Variants in GPC1 observed in about 807,000 individuals in gnomAD.
GPC1 encodes glypican 1.
A neutral mutation model predicts 51.5 loss-of-function variants in GPC1; 26 were observed. The ratio of observed to expected loss-of-function variants is 0.50; its 90% CI spans 0.37 to 0.70. GPC1 has a LOEUF of 0.70. Ranked by LOEUF, GPC1 falls within the 30% of genes least tolerant of loss-of-function variation. The pLI, the probability that GPC1 is intolerant of heterozygous loss-of-function variation, is 0.00. For synonymous variants in GPC1, 380 were observed against 348.3 expected, an observed-to-expected ratio of 1.09 and a Z score of -1.01; for missense variants, 775 against 800.5, an observed-to-expected ratio of 0.97 and a Z score of 0.38.
At chr2:240,460,808 C>T (rs2074208988) in intron 2 of GPC1, among the ~76,000 whole-genome samples, 2 of 152,302 alleles carry the variant, frequency 1.3e-5, no homozygotes, top group Admixed American at 6.5e-5. Context: ...ACCCCCACCT[C>T]CTATGTCCTC....
intron 7 of GPC1, 128 bp downstream of exon 7, chr2:240,465,338 C>T: frequency 7.5e-7 from 1 of 1,341,126 alleles, no homozygotes; most frequent in South Asian, 1.4e-5. Context: ...TTCTCTGCGG[C>T]CTGTGTGGGC....
At chr2:240,460,628 G>A (rs2074207886) in intron 2 of GPC1, among the ~76,000 whole-genome samples, 1 of 152,168 alleles carries the variant, frequency 6.6e-6, no homozygotes, top group Non-Finnish European at 1.5e-5. Context: ...TCAGTGCCCT[G>A]CCGCCGCCCT....
rs909719897 is a variant in GPC1, at chr2:240,435,723, TCGCACCCCG to T, written c.-192_-184del. The T allele has an allele frequency of 4.0e-6, 1 of 248,538 alleles. No individual in the cohort carries two copies. Among genetic ancestry groups the T allele is most frequent in the Non-Finnish European group, 7.4e-6 (1 of 135,198 alleles). The allele number at this position is 248,538 out of a possible 1,614,324, so 15.4% of individuals were successfully genotyped here. On this transcript the variant is annotated 5_prime_UTR_variant, in exon 1 of 9. Coordinates refer to ENST00000264039, the MANE Select transcript of GPC1 (RefSeq NM_002081.3). Reference sequence around the variant, plus strand: ...GGCTGCCCGAGCGAGCGTTCGGACCTCGCACCCCGCGCGCCCCGCGCCGCCGCCGCCGCC... The same window carrying T: ...GGCTGCCCGAGCGAGCGTTCGGACCTCGCGCCCCGCGCCGCCGCCGCCGCC...
At chr2:240,455,693 C>T (rs2074152485) in intron 1 of GPC1, among the ~76,000 whole-genome samples, 1 of 152,142 alleles carries the variant, frequency 6.6e-6, no homozygotes, top group Admixed American at 6.5e-5. Context: ...GACAGCTGGT[C>T]TTGGGCACAT....
At chr2:240,463,735 C>T (rs1395182247) in intron 4 of GPC1, 2 of 567,154 alleles carry the variant, frequency 3.5e-6, no homozygotes, top group East Asian at 2.9e-5. Flanking sequence ...AGGGAGGGAG[C>T]CCTGTGGGGT....
chr2:240,438,101 C>A (rs538046471), intron 1 of GPC1, among the ~76,000 whole-genome samples: 95 of 152,292 alleles, frequency 6.2e-4, no homozygotes, highest in Non-Finnish European at 9.4e-4. Flanking sequence ...GTACGAACGC[C>A]CTGCAGCTGT....
chr2:240,444,164 C>A (rs1160860327), intron 1 of GPC1, among the ~76,000 whole-genome samples: 1 of 152,190 alleles, frequency 6.6e-6, no homozygotes, highest in East Asian at 1.9e-4. Context: ...GCCCGGCCAG[C>A]CTCAGCCCAG....
intron 1 of GPC1, chr2:240,450,428 C>T (rs1400064822): frequency 2.8e-6 from 1 of 363,040 alleles, no homozygotes; most frequent in Non-Finnish European, 5.6e-6. Context: ...GGGCCCCGTG[C>T]TGCTACTCCT....
At chr2:240,444,182 G>A (rs985496354) in intron 1 of GPC1, among the ~76,000 whole-genome samples, 1 of 152,184 alleles carries the variant, frequency 6.6e-6, no homozygotes, top group Admixed American at 6.5e-5. Context: ...CAGCCCAGCC[G>A]CCACGCCCGG....
chr2:240,436,988 T>C (rs1376573091), intron 1 of GPC1, among the ~76,000 whole-genome samples: 1 of 152,250 alleles, frequency 6.6e-6, no homozygotes, highest in Non-Finnish European at 1.5e-5. Context: ...CTCCGTGTGC[T>C]AAGGAACTCT....
chr2:240,438,292 G>A (rs1025013432), intron 1 of GPC1, among the ~76,000 whole-genome samples: 18 of 152,284 alleles, frequency 1.2e-4, no homozygotes, highest in African/African-American at 4.3e-4. Flanking sequence ...AGTAACCTTC[G>A]GGACCCAGGG....
At position 240,459,063 on chromosome 2, in the gene GPC1, C is replaced by T; in HGVS notation, c.200C>T (p.Thr67Ile). The change falls in exon 2 of 9, where the codon ACC becomes ATC. Residue 67 changes from threonine (T) to isoleucine (I), a missense_variant. Transcript: ENST00000264039. Reference sequence around the variant, plus strand: ...CTGCGGATCTGTCCCCAGGGCTACACCTGCTGCACCAGCGAGATGGAGGAG... The same window carrying T: ...CTGCGGATCTGTCCCCAGGGCTACATCTGCTGCACCAGCGAGATGGAGGAG... ...EHLRICPQGY[T>I]CCTSEMEENL... is the part of the protein sequence containing the mutation. The T allele has an allele frequency of 1.2e-6, 2 of 1,612,892 alleles. No homozygotes were observed. The highest frequency in any genetic ancestry group is 1.7e-6 in the Non-Finnish European group (2 of 1,179,906).
At position 240,462,453 on chromosome 2, in the gene GPC1, C is replaced by A. The variant is rs766261701; in HGVS notation, c.588C>A (p.Ala196=). The part of the protein sequence containing the change: ...DDYLDCLGKQ[A]EALRPFGEAP... Reference sequence around the variant, plus strand: ...ACCTGGACTGCCTGGGCAAGCAGGCCGAGGCGCTGCGGCCCTTCGGGGAGG... The same window carrying A: ...ACCTGGACTGCCTGGGCAAGCAGGCAGAGGCGCTGCGGCCCTTCGGGGAGG... Residue 196 remains alanine, a synonymous_variant, in exon 3 of 9, where the codon GCC becomes GCA. Coordinates refer to ENST00000264039, the MANE Select transcript of GPC1 (RefSeq NM_002081.3). The A allele has an allele frequency of 3.1e-6, 5 of 1,605,164 alleles. No individual in the cohort carries two copies. The highest frequency in any genetic ancestry group is 3.4e-6 in the Non-Finnish European group (4 of 1,177,026).
chr2:240,466,318 C>A lies in GPC1; in HGVS notation c.*28C>A. 1.6e-6 allele frequency: 2 copies of A among 1,265,600 alleles called. No individual in the cohort carries two copies. The highest frequency in any genetic ancestry group is 1.5e-5 in the African/African-American group (1 of 68,556). The allele number at this position is 1,265,600 out of a possible 1,614,324, so 78.4% of individuals were successfully genotyped here. A position where few individuals can be genotyped will look rare whatever the true frequency, so the allele number is the denominator to read the frequency against. ...GCCCCAAGGCCCCAGGGACAGAGGC[C>A]AAGGACTGACTTTGCCAAAAATACA... On this transcript the variant is annotated 3_prime_UTR_variant, in exon 9 of 9. Transcript: ENST00000264039.
At chr2:240,454,979 TG>T in intron 1 of GPC1, 1 of 223,684 alleles carries the variant, frequency 4.5e-6, no homozygotes, top group Non-Finnish European at 1.0e-5. Flanking sequence ...AACTGCGGGG[TG>T]GGGACATGTC....
chr2:240,444,643 G>A lies in GPC1; in HGVS notation c.166+8559G>A, dbSNP rs979890043. ...CTGTGGCCTGTGCGCACCTTCAGAC[G>A]ATTTCCCCAAACACCGACGACAGCT... On this transcript the variant is annotated intron_variant, in intron 1 of 8. Coordinates refer to ENST00000264039, the MANE Select transcript of GPC1 (RefSeq NM_002081.3). Among the ~76,000 whole-genome samples, 9 of 152,182 alleles carry A rather than the reference G, an allele frequency of 5.9e-5. No individual in the cohort carries two copies. The South Asian group carries it at 1.2e-3, about 21-fold the overall frequency.
chr2:240,467,028 C>G lies in GPC1; in HGVS notation c.*738C>G, dbSNP rs1016831047. 6 of 152,290 alleles carry G rather than the reference C, an allele frequency of 3.9e-5. No individual in the cohort carries two copies. Among genetic ancestry groups the G allele is most frequent in the African/African-American group, 1.4e-4 (6 of 41,470 alleles). 9.4% of individuals were successfully genotyped at this position (152,290 alleles called of 1,614,324 possible). A position where few individuals can be genotyped will look rare whatever the true frequency, so the allele number is the denominator to read the frequency against. ...AGGAGGGGAAGCTGGGCCCAAAGGC[C>G]CAGGGAGGCAGCGTGGGCTCTGCCA... is the stretch of plus-strand genomic sequence containing the variant. On this transcript the variant is annotated 3_prime_UTR_variant, in exon 9 of 9. Coordinates refer to ENST00000264039, the MANE Select transcript of GPC1 (RefSeq NM_002081.3).
At chr2:240,436,150 C>T (rs2073982350) in intron 1 of GPC1, 66 bp downstream of exon 1, 3 of 1,086,764 alleles carry the variant, frequency 2.8e-6, no homozygotes, top group Non-Finnish European at 3.5e-6. Flanking sequence ...CCCTGGTCTT[C>T]CCGACGCGGC....
chr2:240,453,622 T>C (rs56137336), intron 1 of GPC1, among the ~76,000 whole-genome samples: 87,122 of 126,126 alleles, frequency 0.69, 29,896 homozygotes, highest in African/African-American at 0.77. Context: ...TCCCCTCGCC[T>C]GCCCGCCGCA....
Sources: allele counts gnomAD v4.1 joint callset (sites outside exome capture counted in the v4.1 genomes callset), GRCh38; gene constraint gnomAD v4.1.1; transcripts MANE v1.5; gene names NCBI Gene and HGNC (gene_info 2026-07-23, HGNC 2026-07-21).